Variants in USP45 observed in about 807,000 individuals in gnomAD.
The protein encoded by USP45 is ubiquitin specific peptidase 45.
USP45 carries 89 observed loss-of-function variants against 95.8 expected under a neutral mutation model. The ratio of observed to expected loss-of-function variants is 0.93; its 90% CI spans 0.78 to 1.11. The LOEUF (loss-of-function observed/expected upper bound fraction) is 1.11, where lower values mean the gene tolerates loss of function less well. Ranked by LOEUF, USP45 falls within the 50% of genes least tolerant of loss-of-function variation. The probability of loss-of-function intolerance (pLI) is 0.00; values close to 1 mark genes in which losing one functional copy is unlikely to be tolerated. For synonymous variants in USP45, 281 were observed against 316.2 expected, an observed-to-expected ratio of 0.89 and a Z score of 1.18; for missense variants, 898 against 942.5, an observed-to-expected ratio of 0.95 and a Z score of 0.62.
At chr6:99,442,316 T>C (rs1292482044) in intron 15 of USP45, among the ~76,000 whole-genome samples, 2 of 152,234 alleles carry the variant, frequency 1.3e-5, no homozygotes, top group Non-Finnish European at 2.9e-5. Context: ...ATAATACATC[T>C]GCTTCTGTTC....
At chr6:99,510,727 G>A (rs964025932) in intron 1 of USP45, among the ~76,000 whole-genome samples, 9 of 152,098 alleles carry the variant, frequency 5.9e-5, no homozygotes, top group African/African-American at 2.2e-4. Context: ...TCCCAGTATT[G>A]TGAGAAATAA....
In USP45 at chr6:99,437,303, C is replaced by T; in HGVS notation, c.2257G>A (p.Val753Met). ...REGHYTAYVK[V>M]RTPSRKLSEH... ...GATAATTTCCTGGAGGGTGTTCTCA[C>T]TTTCACATAAGCAGTGTAGTGGCCT... The change falls in exon 17 of 18, where the codon GTG (valine) becomes ATG (methionine). Residue 753 changes from valine to methionine, a missense_variant. Physicochemically the swap from Val to Met is conservative, Grantham distance 21. Transcript: ENST00000500704. 6.2e-7 allele frequency: 1 copy of T among 1,613,822 alleles called. No homozygotes were observed. The highest frequency in any genetic ancestry group is 1.7e-4 in the Middle Eastern group (1 of 6,058).
intron 4 of USP45, 100 bp downstream of exon 4, chr6:99,507,328 G>T: frequency 3.3e-6 from 2 of 598,052 alleles, no homozygotes; most frequent in South Asian, 2.6e-5. Flanking sequence ...ACCATAAGCT[G>T]ATAGAACATC....
At position 99,510,223 on chromosome 6, in the gene USP45, G is replaced by C. The variant is rs369864414; in HGVS notation, c.-3C>G. 6.2e-7 allele frequency: 1 copy of C among 1,612,254 alleles called. No homozygotes were observed. The highest frequency in any genetic ancestry group is 8.5e-7 in the Non-Finnish European group (1 of 1,178,872). On this transcript the variant is annotated 5_prime_UTR_variant, in exon 2 of 18. Transcript: ENST00000500704. Reference sequence around the variant, plus strand: ...TTAGTTGGATCTTTCACCCGCATCTGTTATTTACTGAAGGGATTGAGGGAA... The same window carrying C: ...TTAGTTGGATCTTTCACCCGCATCTCTTATTTACTGAAGGGATTGAGGGAA...
intron 1 of USP45, among the ~76,000 whole-genome samples, chr6:99,511,878 T>C (rs1250507564): frequency 3.7e-5 from 5 of 134,110 alleles, no homozygotes; most frequent in Admixed American, 7.6e-5. Flanking sequence ...TATATATATA[T>C]ATATATATAC....
At chr6:99,453,823 G>A (rs377633797) in intron 13 of USP45, among the ~76,000 whole-genome samples, 11 of 152,156 alleles carry the variant, frequency 7.2e-5, no homozygotes, top group African/African-American at 2.7e-4. Flanking sequence ...AGCCAGGCAT[G>A]GTAGCAGGCA....
rs1265516426 is a variant in USP45, at chr6:99,437,248, G to C, written c.2312C>G (p.Pro771Arg). ...SEHNTKKKNVPGLKAADNESA... is the reference protein window; with the variant it reads ...SEHNTKKKNVRGLKAADNESA... ...AAAATAAACTTAGGATGGCATACCA[G>C]GCACATTTTTCTTTTTAGTGTTATG... Residue 771 changes from proline (P) to arginine (R), a missense_variant and splice_region_variant, in exon 17 of 18, where the codon CCT becomes CGT. Coordinates refer to ENST00000500704, the MANE Select transcript of USP45 (RefSeq NM_001346022.3). 1.9e-6 allele frequency: 3 copies of C among 1,599,754 alleles called. No homozygotes were observed. The highest frequency in any genetic ancestry group is 2.7e-5 in the African/African-American group (2 of 74,076).
chr6:99,495,050 CT>C (rs1426710886), intron 5 of USP45, among the ~76,000 whole-genome samples: 1 of 152,090 alleles, frequency 6.6e-6, no homozygotes, highest in Non-Finnish European at 1.5e-5. Context: ...GACTAATGAC[CT>C]GGCAACAATG....
At position 99,443,564 on chromosome 6, in the gene USP45, C is replaced by A. The variant is rs532523562; in HGVS notation, c.2073+1G>T. On this transcript the variant is annotated splice_donor_variant, in intron 15 of 17. Coordinates refer to ENST00000500704, the MANE Select transcript of USP45 (RefSeq NM_001346022.3). LOFTEE classifies it high-confidence loss of function. The stretch of plus-strand genomic sequence containing the variant: ...ATTATGGTGCTACTGAAGAAACTTA[C>A]CTGATGAAATCTTTTCAGGTGGAGA... 176 of 1,600,952 alleles carry A rather than the reference C, an allele frequency of 1.1e-4. No homozygotes were observed. The highest frequency in any genetic ancestry group is 1.4e-4 in the Non-Finnish European group (170 of 1,173,086).
chr6:99,435,807 A>T lies in USP45; in HGVS notation c.2354T>A (p.Val785Asp). 6.2e-7 allele frequency: 1 copy of T among 1,613,704 alleles called. No homozygotes were observed. Among genetic ancestry groups the T allele is most frequent in the Non-Finnish European group, 8.5e-7 (1 of 1,179,738 alleles). Residue 785 changes from valine to aspartate, a missense_variant, in exon 18 of 18, where the codon GTC becomes GAC. Coordinates refer to ENST00000500704, the MANE Select transcript of USP45 (RefSeq NM_001346022.3). ...AADNESAGQW[V>D]HVSDTYLQVV... ...CTGTAAGTAAGTGTCACTAACATGG[A>T]CCCACTGGCCTGCTGATTCATTATC... is the stretch of plus-strand genomic sequence containing the variant.
At chr6:99,515,771 T>TTTC (rs1801049413), upstream of USP45, among the ~76,000 whole-genome samples, 1 of 14,966 alleles carries the variant, frequency 6.7e-5, no homozygotes. Flanking sequence ...CTCTGAACTC[T>TTTC]TTTTTTTTTT....
intron 13 of USP45, among the ~76,000 whole-genome samples, chr6:99,454,670 C>T (rs1279848708): frequency 1.3e-5 from 2 of 152,218 alleles, no homozygotes. Flanking sequence ...AATGAAATAT[C>T]ATTTTACCCC....
At chr6:99,495,059 A>G (rs992331900) in intron 5 of USP45, among the ~76,000 whole-genome samples, 2 of 152,228 alleles carry the variant, frequency 1.3e-5, no homozygotes, top group African/African-American at 4.8e-5. Context: ...CCTGGCAACA[A>G]TGACATTAAA....
rs111592029 is a variant in USP45, at chr6:99,445,954, G to A, written c.1818C>T (p.Thr606=). Reference sequence around the variant, plus strand: ...AAGTAGTTATATAGCTCTGAGAAAGGGTCTGAAAAGCATTTTGGGGACTAT... The same window carrying A: ...AAGTAGTTATATAGCTCTGAGAAAGAGTCTGAAAAGCATTTTGGGGACTAT... ...RSYSPQNAFQ[T]LSQSYITTSK... is the part of the protein sequence containing the mutation. Residue 606 remains threonine (T), a synonymous_variant, in exon 14 of 18, where the codon ACC becomes ACT. Coordinates refer to ENST00000500704, the MANE Select transcript of USP45 (RefSeq NM_001346022.3). 5,822 of 1,613,878 alleles carry A rather than the reference G, an allele frequency of 3.6e-3. 179 individuals are homozygous for A. In the African/African-American group the frequency reaches 0.066, roughly 18 times the overall value.
At chr6:99,505,661 C>T (rs1010040567) in intron 4 of USP45, among the ~76,000 whole-genome samples, 1 of 129,314 alleles carries the variant, frequency 7.7e-6, no homozygotes, top group Non-Finnish European at 1.6e-5. Context: ...AAAAAAAAAA[C>T]ATAATGCATT....
intron 7 of USP45, among the ~76,000 whole-genome samples, chr6:99,484,789 CAAAAAAAAA>C (rs754506826): frequency 1.1e-5 from 1 of 88,870 alleles, no homozygotes; most frequent in Non-Finnish European, 2.3e-5. Context: ...AGACTGTCTC[CAAAAAAAAA>C]AAAAAAAGTG....
intron 14 of USP45, among the ~76,000 whole-genome samples, chr6:99,444,690 C>A (rs909411643): frequency 8.5e-5 from 13 of 152,148 alleles, no homozygotes; most frequent in Non-Finnish European, 1.8e-4. Context: ...ATTATTCAAA[C>A]TAGCCAATCC....
At chr6:99,461,479 G>T in intron 13 of USP45, 2 of 985,344 alleles carry the variant, frequency 2.0e-6, no homozygotes, top group African/African-American at 3.5e-5. Flanking sequence ...GCCAGAAATT[G>T]CACACACTAG....
chr6:99,464,513 T>C, intron 13 of USP45, 91 bp downstream of exon 13: 1 of 1,402,670 alleles, frequency 7.1e-7, no homozygotes. Flanking sequence ...TGAGAGTTTA[T>C]TACACTATGT....
Sources: allele counts gnomAD v4.1 joint callset (sites outside exome capture counted in the v4.1 genomes callset), GRCh38; gene constraint gnomAD v4.1.1; transcripts MANE v1.5; gene names NCBI Gene and HGNC (gene_info 2026-07-23, HGNC 2026-07-21).